CTDP1: variants seen among roughly 807,000 people sequenced by gnomAD.
CTDP1 encodes the protein RNA polymerase II subunit A C-terminal domain phosphatase.
A neutral mutation model predicts 91.8 loss-of-function variants in CTDP1; 47 were observed. The observed-to-expected ratio is 0.51, with a 90% confidence interval of 0.41 to 0.65. The LOEUF is 0.65. Ranked by LOEUF, CTDP1 falls within the 30% of genes least tolerant of loss-of-function variation. The pLI, the probability that CTDP1 is intolerant of heterozygous loss-of-function variation, is 0.00. For synonymous variants in CTDP1, 656 were observed against 598.5 expected (o/e 1.10, Z -1.40); for missense variants, 1,272 against 1,373.7 (o/e 0.93, Z 1.17).
Position 79,679,822 on chromosome 18 carries a change from G to A in CTDP1, c.-126G>A. On this transcript the variant is annotated 5_prime_UTR_variant, in exon 1 of 13. Transcript: ENST00000613122. ...TCCAGGAAGTCGGCGCGGGCTAGGCGACGGGTGGAAGCCGGTACCGAGAGG... is the reference window on the plus strand; with the variant it reads ...TCCAGGAAGTCGGCGCGGGCTAGGCAACGGGTGGAAGCCGGTACCGAGAGG... The A allele has an allele frequency of 1.1e-6, 1 of 949,826 alleles. No individual in the cohort carries two copies. Among genetic ancestry groups the A allele is most frequent in the East Asian group, 3.3e-5 (1 of 29,916 alleles). 58.8% of individuals were successfully genotyped at this position (949,826 alleles called of 1,614,324 possible). A position where few individuals can be genotyped will look rare whatever the true frequency, so the allele number is the denominator to read the frequency against.
chr18:79,697,229 G>T (rs1200386913), intron 3 of CTDP1, among the ~76,000 whole-genome samples: 1 of 152,242 alleles, frequency 6.6e-6, no homozygotes, highest in Non-Finnish European at 1.5e-5. Context: ...CCCTGAGCGG[G>T]ACCAGGATTT....
intron 10 of CTDP1, among the ~76,000 whole-genome samples, chr18:79,724,385 G>C (rs997588283): frequency 2.0e-5 from 3 of 152,208 alleles, no homozygotes; most frequent in Non-Finnish European, 4.4e-5. Context: ...GCTTTTTAAA[G>C]AAACTGCCAG....
intron 1 of CTDP1, 109 bp downstream of exon 1, chr18:79,680,370 G>A: frequency 2.2e-6 from 2 of 907,174 alleles, no homozygotes; most frequent in Non-Finnish European, 2.9e-6. Context: ...CCTGGTGAGG[G>A]AGCGATAAAG....
At chr18:79,734,998 A>G (rs950081639) in intron 11 of CTDP1, among the ~76,000 whole-genome samples, 3 of 152,222 alleles carry the variant, frequency 2.0e-5, no homozygotes, top group Admixed American at 2.0e-4. Context: ...AGGCCAGGGC[A>G]CATGTGCTGT....
At position 79,754,152 on chromosome 18, in the gene CTDP1, C is replaced by T. The variant is rs553148333; in HGVS notation, c.*362C>T. The T allele has an allele frequency of 5.8e-4, 207 of 356,242 alleles. 1 individual carries two copies. In the Middle Eastern group the frequency reaches 6.9e-3, roughly 12 times the overall value. 22.1% of individuals were successfully genotyped at this position (356,242 alleles called of 1,614,324 possible). The stretch of plus-strand genomic sequence containing the variant: ...TTAGGGGACGGCTTTGGGGGTCCCA[C>T]GAGACATGGACTAGGAGTTTAAGCA... On this transcript the variant is annotated 3_prime_UTR_variant, in exon 13 of 13. Transcript: ENST00000613122.
chr18:79,714,644 C>T lies in CTDP1; in HGVS notation c.1184C>T (p.Ser395Leu), dbSNP rs369213777. The change falls in exon 8 of 13, where the codon TCA (serine) becomes TTA (leucine). Residue 395 changes from serine to leucine, a missense_variant. Coordinates refer to ENST00000613122, the MANE Select transcript of CTDP1 (RefSeq NM_004715.5). ...AGCGAGGCCGCCACCCCGCGGGACT[C>T]ACCCCGCCCCGGGAAGCCAGACGAG... ...NGSEAATPRD[S>L]PRPGKPDERD... 5.6e-6 allele frequency: 9 copies of T among 1,612,080 alleles called. No individual in the cohort carries two copies. Among genetic ancestry groups the T allele is most frequent in the Non-Finnish European group, 6.8e-6 (8 of 1,179,676 alleles).
At position 79,737,830 on chromosome 18, in the gene CTDP1, T is replaced by C. The variant is rs1305106984; in HGVS notation, c.2747+1309T>C. 3.3e-5 allele frequency among the ~76,000 whole-genome samples: 5 copies of C among 152,190 alleles called. No individual in the cohort carries two copies. The South Asian group carries it at 8.3e-4, about 25-fold the overall frequency. ...GATTTGGGGGTGTGGAATGACGCAGTGTTTCCTATGACCGTAAATTGCTTT... is the reference window on the plus strand; with the variant it reads ...GATTTGGGGGTGTGGAATGACGCAGCGTTTCCTATGACCGTAAATTGCTTT... On this transcript the variant is annotated intron_variant, in intron 12 of 12. Transcript: ENST00000613122.
In CTDP1 at chr18:79,704,554, C is replaced by A. The variant is rs563597110; in HGVS notation, c.622-213C>A. Among the ~76,000 whole-genome samples the A allele has an allele frequency of 3.9e-5, 6 of 152,294 alleles. No individual in the cohort carries two copies. In the South Asian group the frequency reaches 8.3e-4, roughly 21 times the overall value. On this transcript the variant is annotated intron_variant, in intron 4 of 12. Transcript: ENST00000613122. ...TACATGCAAACGTGTATCCTCTGTC[C>A]CATGTGGAGGGATGGGCACATGTGT...
intron 12 of CTDP1, among the ~76,000 whole-genome samples, chr18:79,745,233 G>GTGCGTCCCTCCCATGCGCGTTCTGTCCC (rs1420447096): frequency 1.3e-5 from 2 of 151,136 alleles, no homozygotes; most frequent in Non-Finnish European, 3.0e-5. Flanking sequence ...TGACTGGATT[G>GTGCGTCCCTCCCATGCGCGTTCTGTCCC]TGCGTCCCTC....
At chr18:79,725,248 G>A (rs556814045) in intron 10 of CTDP1, among the ~76,000 whole-genome samples, 1 of 152,166 alleles carries the variant, frequency 6.6e-6, no homozygotes, top group African/African-American at 2.4e-5. Context: ...GTCACGTTGT[G>A]TGCCGTCTGC....
In CTDP1 at chr18:79,728,898, T is replaced by TC. The variant is rs1488295592; in HGVS notation, c.2418-7dup. 2 of 1,613,702 alleles carry TC rather than the reference T, an allele frequency of 1.2e-6. No homozygotes were observed. The highest frequency in any genetic ancestry group is 1.7e-6 in the Non-Finnish European group (2 of 1,180,034). On this transcript the variant is annotated splice_polypyrimidine_tract_variant and intron_variant, in intron 10 of 12. Transcript: ENST00000613122. ...CTTCCTCATGTGGGACCTATGAAAT[T>TC]CCTTTCAGAGCGGTTCCGCCACCCC...
In CTDP1 at chr18:79,680,271, C is replaced by T; in HGVS notation, c.314+10C>T. The T allele has an allele frequency of 1.6e-6, 2 of 1,263,546 alleles. No individual in the cohort carries two copies. The highest frequency in any genetic ancestry group is 2.0e-6 in the Non-Finnish European group (2 of 1,006,498). 78.3% of individuals were successfully genotyped at this position (1,263,546 alleles called of 1,614,324 possible). ...AGGTGGTCGCCCCAGGGTGAGTGTGCTGAGCCGGGCGGGGCCGAGGGCGGG... is the reference window on the plus strand; with the variant it reads ...AGGTGGTCGCCCCAGGGTGAGTGTGTTGAGCCGGGCGGGGCCGAGGGCGGG... On this transcript the variant is annotated intron_variant, in intron 1 of 12. Transcript: ENST00000613122.
At chr18:79,747,985 A>G (rs2086914833) in intron 12 of CTDP1, among the ~76,000 whole-genome samples, 1 of 152,124 alleles carries the variant, frequency 6.6e-6, no homozygotes, top group Non-Finnish European at 1.5e-5. Context: ...ATACATATAT[A>G]TTATTCTGTT....
intron 12 of CTDP1, among the ~76,000 whole-genome samples, chr18:79,751,251 G>A (rs1384670429): frequency 6.9e-6 from 1 of 145,910 alleles, no homozygotes; most frequent in Non-Finnish European, 1.5e-5. Context: ...GGCCGGGGAG[G>A]GAGGGAGGCT....
chr18:79,711,737 A>T (rs2086087873), intron 6 of CTDP1, among the ~76,000 whole-genome samples: 1 of 152,198 alleles, frequency 6.6e-6, no homozygotes, highest in South Asian at 2.1e-4. Flanking sequence ...CCTTTCCATC[A>T]GCTCCAGAGC....
intron 11 of CTDP1, among the ~76,000 whole-genome samples, chr18:79,731,930 CATT>C (rs973197862): frequency 3.3e-5 from 5 of 151,740 alleles, no homozygotes; most frequent in South Asian, 4.2e-4. Flanking sequence ...TAAGAACTCA[CATT>C]AGGAGTGCTC....
intron 8 of CTDP1, among the ~76,000 whole-genome samples, chr18:79,715,764 G>T (rs2086194538): frequency 1.3e-5 from 2 of 152,262 alleles, no homozygotes; most frequent in African/African-American, 2.4e-5. Context: ...CTCGTGTGTA[G>T]AAAGTTCAAC....
rs199932683 is a variant in CTDP1 at position 79,735,042 on chromosome 18, T to G, written c.2581-1313T>G. ...GGACACGTGGCGATGAGTTTGAAAT[T>G]GCAGAGTGGACGGGGTGGATGCGTC... On this transcript the variant is annotated intron_variant, in intron 11 of 12. Transcript: ENST00000613122. Among the ~76,000 whole-genome samples, 39 of 152,326 alleles carry G rather than the reference T, an allele frequency of 2.6e-4. No individual in the cohort carries two copies. In the East Asian group the frequency reaches 6.0e-3, roughly 23 times the overall value.
rs749086216 is a variant in CTDP1 at position 79,714,853 on chromosome 18, G to A, written c.1393G>A (p.Glu465Lys). 2.5e-5 allele frequency: 40 copies of A among 1,590,446 alleles called. No homozygotes were observed. Among genetic ancestry groups the A allele is most frequent in the Non-Finnish European group, 3.2e-5 (38 of 1,169,588 alleles). ...SSDSESSSES[E>K]GTKSSSSASD... The stretch of plus-strand genomic sequence containing the variant: ...CGACAGCGAGAGCAGCAGTGAGTCC[G>A]AGGGCACGAAGTCCTCCTCCTCCGC... Residue 465 changes from glutamate (E) to lysine (K), a missense_variant, in exon 8 of 13, where the codon GAG (glutamate) becomes AAG (lysine). Coordinates refer to ENST00000613122, the MANE Select transcript of CTDP1 (RefSeq NM_004715.5).
Sources: gnomAD v4.1 joint callset for allele counts (sites outside exome capture counted in the v4.1 genomes callset) on GRCh38, gnomAD v4.1.1 for gene constraint, MANE v1.5 for transcripts, NCBI Gene and HGNC (gene_info 2026-07-23, HGNC 2026-07-21) for gene names.